APBB2: variants seen among roughly 807,000 people sequenced by gnomAD.
The protein encoded by APBB2 is amyloid beta precursor protein binding family B member 2.
A neutral mutation model predicts 82.5 loss-of-function variants in APBB2; 38 were observed. That is an observed-to-expected ratio of 0.46 (90% CI 0.36 to 0.60). The LOEUF is 0.60. Among genes scored for constraint, APBB2 ranks in the 20% least tolerant of loss-of-function variants. APBB2 has a pLI of 0.00. For synonymous variants in APBB2, 341 were observed against 368.2 expected (o/e 0.93, Z 0.85); for missense variants, 772 against 972.3 (o/e 0.79, Z 2.74).
At chr4:41,185,066 T>C (rs1772519718) in intron 1 of APBB2, among the ~76,000 whole-genome samples, 1 of 152,176 alleles carries the variant, frequency 6.6e-6, no homozygotes, top group East Asian at 1.9e-4. Flanking sequence ...CTTTGTTTCA[T>C]TGTATCCCCA....
chr4:40,875,811 A>T (rs1169483247), intron 12 of APBB2, among the ~76,000 whole-genome samples: 1 of 152,194 alleles, frequency 6.6e-6, no homozygotes, highest in African/African-American at 2.4e-5. Flanking sequence ...TAAGAAAAAA[A>T]AAAATAACCC....
chr4:41,191,608 T>C (rs1335301791), intron 1 of APBB2, among the ~76,000 whole-genome samples: 1 of 152,060 alleles, frequency 6.6e-6, no homozygotes, highest in Non-Finnish European at 1.5e-5. Context: ...ATACCATACA[T>C]AAAAATCAAC....
At chr4:40,992,699 G>A (rs1226950192) in intron 6 of APBB2, among the ~76,000 whole-genome samples, 5 of 152,210 alleles carry the variant, frequency 3.3e-5, no homozygotes, top group East Asian at 3.9e-4. Context: ...TGAAGCCAGC[G>A]AGCAGGAGTA....
At chr4:40,879,088 A>G (rs1486534671) in intron 12 of APBB2, among the ~76,000 whole-genome samples, 1 of 152,052 alleles carries the variant, frequency 6.6e-6, no homozygotes, top group Non-Finnish European at 1.5e-5. Flanking sequence ...TATAACAAAG[A>G]AACATGAGAC....
intron 1 of APBB2, among the ~76,000 whole-genome samples, chr4:41,210,839 T>C (rs1048493624): frequency 6.6e-6 from 1 of 152,268 alleles, no homozygotes; most frequent in South Asian, 2.1e-4. Context: ...GCTCTATTGC[T>C]GTGAAATCAC....
At chr4:41,016,997 A>G (rs931199393) in intron 5 of APBB2, among the ~76,000 whole-genome samples, 1 of 152,068 alleles carries the variant, frequency 6.6e-6, no homozygotes, top group Non-Finnish European at 1.5e-5. Context: ...CCTAGGCTCA[A>G]GCGATCTTCC....
chr4:41,047,059 G>C (rs1175642059), intron 4 of APBB2, among the ~76,000 whole-genome samples: 1 of 152,190 alleles, frequency 6.6e-6, no homozygotes, highest in African/African-American at 2.4e-5. Context: ...GAACAGAATT[G>C]CAAAATTGTT....
chr4:41,196,028 C>CA lies in APBB2; in HGVS notation c.-417+18376_-417+18377insT. Among the ~76,000 whole-genome samples the CA allele has an allele frequency of 5.5e-4, 84 of 151,766 alleles. 1 individual carries two copies. The highest frequency in any genetic ancestry group is 1.8e-3 in the African/African-American group (73 of 41,286). The stretch of plus-strand genomic sequence containing the variant: ...ACAAAAAATTAGCTGGGTGTGGTGG[C>CA]GGCGCCTGTAGTCCCAGCTACTTGG... On this transcript the variant is annotated intron_variant, in intron 1 of 17. Coordinates refer to ENST00000508593, the MANE Select transcript of APBB2 (RefSeq NM_004307.2).
At chr4:40,909,830 G>A (rs542804071) in intron 10 of APBB2, among the ~76,000 whole-genome samples, 1 of 152,260 alleles carries the variant, frequency 6.6e-6, no homozygotes, top group East Asian at 1.9e-4. Context: ...ATGAAGGTGG[G>A]CGCTGACATT....
At chr4:40,963,686 C>T (rs867455156) in intron 6 of APBB2, among the ~76,000 whole-genome samples, 4 of 152,244 alleles carry the variant, frequency 2.6e-5, no homozygotes, top group Non-Finnish European at 2.9e-5. Flanking sequence ...GAATCCGATG[C>T]TATATCAAAG....
chr4:41,165,999 G>A (rs1339176099), intron 1 of APBB2, among the ~76,000 whole-genome samples: 7 of 149,822 alleles, frequency 4.7e-5, no homozygotes, highest in Middle Eastern at 3.5e-3. Context: ...TCAGCCTCCC[G>A]AGTAGCTGGG....
chr4:40,989,989 C>T (rs949232629), intron 6 of APBB2, among the ~76,000 whole-genome samples: 4 of 152,130 alleles, frequency 2.6e-5, no homozygotes, highest in Admixed American at 1.3e-4. Context: ...TAGAGAGGAG[C>T]CTTTTATTAA....
At chr4:41,131,051 G>A (rs1755828348) in intron 2 of APBB2, among the ~76,000 whole-genome samples, 1 of 152,262 alleles carries the variant, frequency 6.6e-6, no homozygotes, top group Non-Finnish European at 1.5e-5. Flanking sequence ...CAAAACATGC[G>A]AGAGTACAAT....
chr4:40,999,748 C>T (rs1804615576), intron 6 of APBB2, among the ~76,000 whole-genome samples: 1 of 152,162 alleles, frequency 6.6e-6, no homozygotes, highest in Non-Finnish European at 1.5e-5. Flanking sequence ...GTTTGAGAAG[C>T]AAAGGATTTA....
At position 40,816,148 on chromosome 4, in the gene APBB2, C is replaced by T; in HGVS notation, c.2224G>A (p.Val742Ile). ...RRVTTNVKRG[V>I]LSLIDTLKQK... is the part of the protein sequence containing the mutation. ...TTCAAAGTGTCAATGAGGGATAAGA[C>T]CCCTCGTTTTACATTGGTTGTGACT... The change falls in exon 18 of 18, where the codon GTC becomes ATC. Residue 742 changes from valine (V) to isoleucine (I), a missense_variant. By Grantham distance (29) the Val-to-Ile change is conservative. Coordinates refer to ENST00000508593, the MANE Select transcript of APBB2 (RefSeq NM_004307.2). 2.5e-6 allele frequency: 4 copies of T among 1,614,152 alleles called. No homozygotes were observed. The highest frequency in any genetic ancestry group is 3.4e-6 in the Non-Finnish European group (4 of 1,180,034).
intron 1 of APBB2, among the ~76,000 whole-genome samples, chr4:41,157,268 C>T (rs1763716304): frequency 1.3e-5 from 2 of 152,088 alleles, no homozygotes; most frequent in South Asian, 4.1e-4. Flanking sequence ...AATCTTCCCC[C>T]GACTATTTTT....
At chr4:40,929,311 T>C (rs1042970912) in intron 10 of APBB2, among the ~76,000 whole-genome samples, 1 of 152,004 alleles carries the variant, frequency 6.6e-6, no homozygotes, top group Non-Finnish European at 1.5e-5. Context: ...GGGAAATTAT[T>C]TATTTATTTA....
intron 6 of APBB2, among the ~76,000 whole-genome samples, chr4:40,989,750 G>A (rs762327267): frequency 3.3e-5 from 5 of 152,158 alleles, no homozygotes; most frequent in East Asian, 1.9e-4. Flanking sequence ...TGTGTCATCC[G>A]AGCCTCGTCG....
intron 1 of APBB2, among the ~76,000 whole-genome samples, chr4:41,145,402 C>T (rs1275177479): frequency 1.3e-5 from 2 of 152,180 alleles, no homozygotes; most frequent in Admixed American, 1.3e-4. Context: ...GTGCTCTTTC[C>T]ACCACTATGA....
Sources: gnomAD v4.1 joint callset for allele counts (sites outside exome capture counted in the v4.1 genomes callset) on GRCh38, gnomAD v4.1.1 for gene constraint, MANE v1.5 for transcripts, NCBI Gene and HGNC (gene_info 2026-07-23, HGNC 2026-07-21) for gene names.